Variants in FBN3 observed in about 807,000 individuals in gnomAD.
The protein encoded by FBN3 is fibrillin 3, also known as fibrillin-3.
Under a neutral mutation model 330.1 loss-of-function variants are expected in FBN3, and 234 were observed. The observed-to-expected ratio is 0.71, with a 90% CI of 0.64 to 0.79. FBN3 has a LOEUF of 0.79. Among genes scored for constraint, FBN3 ranks in the 30% least tolerant of loss-of-function variants. The pLI, the probability that FBN3 is intolerant of heterozygous loss-of-function variation, is 0.00. For missense variants in FBN3, 3,606 were observed against 3,886.9 expected (o/e 0.93, Z 1.92); for synonymous variants, 1,458 against 1,517.3 (o/e 0.96, Z 0.91).
Position 8,087,079 on chromosome 19 carries a change from G to C in FBN3, c.6752C>G (p.Thr2251Arg). ...RPLPGSGEGC[T>R]DDNECHAQPD... Reference sequence around the variant, plus strand: ...CATGAAGCTCCAGTGCCCCATACCTGTGCAGCCCTCCCCAGAGCCAGGCAG... The same window carrying C: ...CATGAAGCTCCAGTGCCCCATACCTCTGCAGCCCTCCCCAGAGCCAGGCAG... Residue 2251 changes from threonine to arginine, a missense_variant and splice_region_variant, in exon 54 of 64, where the codon ACA (threonine) becomes AGA (arginine). Transcript: ENST00000600128. The C allele has an allele frequency of 6.2e-7, 1 of 1,607,808 alleles. No homozygotes were observed. Among genetic ancestry groups the C allele is most frequent in the Non-Finnish European group, 8.5e-7 (1 of 1,179,158 alleles).
At chr19:8,066,485 T>C (rs2081393368) in intron 63 of FBN3, among the ~76,000 whole-genome samples, 1 of 152,178 alleles carries the variant, frequency 6.6e-6, no homozygotes, top group Admixed American at 6.6e-5. Flanking sequence ...AAATACGGCA[T>C]GTTCTCAGTT....
rs2082043139 is a variant in FBN3, at chr19:8,089,465, G to A, written c.6376+80C>T. On this transcript the variant is annotated intron_variant, in intron 51 of 63. Transcript: ENST00000600128. Reference sequence around the variant, plus strand: ...GACAGGATCTCACCCACTGCCTGGGGGTGTCTTCCCTGCCCTGCTCTGCTC... The same window carrying A: ...GACAGGATCTCACCCACTGCCTGGGAGTGTCTTCCCTGCCCTGCTCTGCTC... The A allele has an allele frequency of 8.5e-6, 13 of 1,537,884 alleles. No homozygotes were observed. The South Asian group carries it at 9.3e-5, about 11-fold the overall frequency.
At chr19:8,128,996 G>A in intron 18 of FBN3, 32 bp downstream of exon 18, 1 of 1,596,908 alleles carries the variant, frequency 6.3e-7, no homozygotes, top group Admixed American at 1.7e-5. Context: ...ATATGTGTGT[G>A]TGCAAACCCA....
Position 8,147,393 on chromosome 19 carries a change from G to T in FBN3, c.88C>A (p.Gln30Lys). ...WSALLCMAGG[Q>K]GRWDGALEAA... ...TCCAAGGCCCCGTCCCAGCGGCCTT[G>T]GCCACCTGCCATGCACAACAGGGCC... The change falls in exon 2 of 64, where the codon CAA becomes AAA. Residue 30 changes from glutamine (Q) to lysine (K), a missense_variant. Coordinates refer to ENST00000600128, the MANE Select transcript of FBN3 (RefSeq NM_032447.5). The T allele has an allele frequency of 6.3e-7, 1 of 1,597,762 alleles. No individual in the cohort carries two copies. The highest frequency in any genetic ancestry group is 8.5e-7 in the Non-Finnish European group (1 of 1,173,784).
intron 41 of FBN3, among the ~76,000 whole-genome samples, chr19:8,100,010 C>CA (rs200461313): frequency 0.059 from 6,184 of 105,618 alleles, 442 homozygotes; most frequent in African/African-American, 0.18. Flanking sequence ...AACTCCATCT[C>CA]AAAAAAAAAA....
chr19:8,114,005 ATAAT>A (rs2144845341), intron 30 of FBN3, among the ~76,000 whole-genome samples: 1 of 149,484 alleles, frequency 6.7e-6, no homozygotes, highest in South Asian at 2.1e-4. Flanking sequence ...AAATAAATAA[ATAAT>A]AAATAAAATG....
Position 8,144,928 on chromosome 19 carries a change from G to C in FBN3, c.490C>G (p.Pro164Ala), listed in dbSNP as rs2083497375. ...CCATACACACAGGCGCAGCGGTTGG[G>C]CCCAATGCAGCGACCCCCATTGTGG... ...GCHNGGRCIG[P>A]NRCACVYGFM... Residue 164 changes from proline to alanine, a missense_variant, in exon 6 of 64, where the codon CCC becomes GCC. Transcript: ENST00000600128. 2 of 1,612,390 alleles carry C rather than the reference G, an allele frequency of 1.2e-6. No homozygotes were observed. Among genetic ancestry groups the C allele is most frequent in the Non-Finnish European group, 1.7e-6 (2 of 1,179,720 alleles).
At chr19:8,118,030 A>G (rs2082747894) in intron 26 of FBN3, among the ~76,000 whole-genome samples, 1 of 151,628 alleles carries the variant, frequency 6.6e-6, no homozygotes, top group Non-Finnish European at 1.5e-5. Context: ...ACAGACACAC[A>G]AACACCCAAT....
At position 8,123,981 on chromosome 19, in the gene FBN3, C is replaced by T. The variant is rs377629999; in HGVS notation, c.2759G>A (p.Arg920Gln). ...VDVRLEPCFL[R>Q]WDEDECGVTL... ...GACCCCACACTCATCCTCATCCCATCGCAGGAAACATGGTTCCAATCTCAC... is the reference window on the plus strand; with the variant it reads ...GACCCCACACTCATCCTCATCCCATTGCAGGAAACATGGTTCCAATCTCAC... Residue 920 changes from arginine (R) to glutamine (Q), a missense_variant, in exon 23 of 64, where the codon CGA (arginine) becomes CAA (glutamine). Coordinates refer to ENST00000600128, the MANE Select transcript of FBN3 (RefSeq NM_032447.5). 6 of 1,613,996 alleles carry T rather than the reference C, an allele frequency of 3.7e-6. No homozygotes were observed. The highest frequency in any genetic ancestry group is 1.7e-5 in the Admixed American group (1 of 60,006).
Position 8,123,512 on chromosome 19 carries a change from C to G in FBN3, c.3034G>C (p.Ala1012Pro). Residue 1012 changes from alanine to proline, a missense_variant, in exon 24 of 64, where the codon GCC becomes CCC. Coordinates refer to ENST00000600128, the MANE Select transcript of FBN3 (RefSeq NM_032447.5). ...TCCAGGGCGAAGCCCCCCGCACAGG[C>G]GCAGTGGAAGCTGCCCACCGTGTTT... Reference protein sequence around the residue: ...CRNTVGSFHCACAGGFALDAQ... With the variant: ...CRNTVGSFHCPCAGGFALDAQ... 1 of 1,614,172 alleles carries G rather than the reference C, an allele frequency of 6.2e-7. No individual in the cohort carries two copies. The highest frequency in any genetic ancestry group is 8.5e-7 in the Non-Finnish European group (1 of 1,180,024).
In FBN3 at chr19:8,097,452, C is replaced by T. The variant is rs367986484; in HGVS notation, c.5162-38G>A. ...TCTGCCATCAGGGGCAGCCCAGCCC[C>T]CTGGGACTTCCAGCGATGCTGAGCG... On this transcript the variant is annotated intron_variant, in intron 41 of 63. Transcript: ENST00000600128. 5 of 1,564,390 alleles carry T rather than the reference C, an allele frequency of 3.2e-6. No homozygotes were observed. The African/African-American group carries it at 5.4e-5, about 17-fold the overall frequency.
At chr19:8,071,257 A>G (rs1417690944) in intron 63 of FBN3, among the ~76,000 whole-genome samples, 1 of 152,114 alleles carries the variant, frequency 6.6e-6, no homozygotes, top group Non-Finnish European at 1.5e-5. Context: ...GCACACCTTG[A>G]TGGGGTGGCC....
At chr19:8,084,571 C>T (rs1188862715) in intron 56 of FBN3, among the ~76,000 whole-genome samples, 2 of 151,772 alleles carry the variant, frequency 1.3e-5, no homozygotes, top group Non-Finnish European at 2.9e-5. Context: ...TGTTAAGGCC[C>T]TCTTGCTTTT....
rs371570706 is a variant in FBN3, at chr19:8,109,199, G to A, written c.4618+28C>T. The A allele has an allele frequency of 6.1e-5, 98 of 1,606,352 alleles. No homozygotes were observed. The highest frequency in any genetic ancestry group is 7.7e-5 in the Non-Finnish European group (90 of 1,174,226). On this transcript the variant is annotated intron_variant, in intron 36 of 63. Coordinates refer to ENST00000600128, the MANE Select transcript of FBN3 (RefSeq NM_032447.5). This position sits in a 1 kb window ranked among gnomAD's most constrained non-coding sequence, Gnocchi z 5.2. ...CCCGGGCCTCGGTGGCTTAGGTCAC[G>A]GTGTTCAACTGCCCCGCAGGGACTC...
At position 8,097,421 on chromosome 19, in the gene FBN3, A is replaced by G; in HGVS notation, c.5162-7T>C. 5 of 1,582,258 alleles carry G rather than the reference A, an allele frequency of 3.2e-6. No individual in the cohort carries two copies. The highest frequency in any genetic ancestry group is 4.3e-6 in the Non-Finnish European group (5 of 1,154,206). On this transcript the variant is annotated splice_polypyrimidine_tract_variant and splice_region_variant and intron_variant, in intron 41 of 63. Coordinates refer to ENST00000600128, the MANE Select transcript of FBN3 (RefSeq NM_032447.5). ...TCCCCACACTCATCAATGTCTGCAG[A>G]AGGCATCTGCCATCAGGGGCAGCCC...
chr19:8,144,945 C>T lies in FBN3; in HGVS notation c.473G>A (p.Gly158Glu), dbSNP rs747016942. 1 of 1,612,178 alleles carries T rather than the reference C, an allele frequency of 6.2e-7. No homozygotes were observed. The highest frequency in any genetic ancestry group is 2.2e-5 in the East Asian group (1 of 44,810). Reference protein sequence around the residue: ...QPICDRGCHNGGRCIGPNRCA... With the variant: ...QPICDRGCHNEGRCIGPNRCA... ...GCGGTTGGGCCCAATGCAGCGACCC[C>T]CATTGTGGCAGCCGCGGTCACAGAT... Residue 158 changes from glycine to glutamate, a missense_variant, in exon 6 of 64, where the codon GGG becomes GAG. Transcript: ENST00000600128.
intron 23 of FBN3, 93 bp downstream of exon 23, chr19:8,123,690 CT>C: frequency 1.3e-6 from 2 of 1,593,590 alleles, no homozygotes; most frequent in African/African-American, 1.3e-5. Context: ...CCCACATCCC[CT>C]TTTCCCCCAA....
intron 13 of FBN3, 107 bp downstream of exon 13, chr19:8,135,854 C>G: frequency 7.8e-7 from 1 of 1,287,688 alleles, no homozygotes; most frequent in South Asian, 1.4e-5. Flanking sequence ...GAGGAGACGT[C>G]GTAGGGAGGG....
chr19:8,077,176 G>A (rs911374434), intron 59 of FBN3, among the ~76,000 whole-genome samples: 4 of 152,218 alleles, frequency 2.6e-5, no homozygotes, highest in African/African-American at 9.6e-5. Flanking sequence ...GAGGGCATTG[G>A]TACAATGGCC....
Sources: gnomAD v4.1 joint callset for allele counts (sites outside exome capture counted in the v4.1 genomes callset) on GRCh38, gnomAD v4.1.1 for gene constraint, Gnocchi (gnomAD v3.1) non-coding constraint, MANE v1.5 for transcripts, NCBI Gene and HGNC (gene_info 2026-07-23, HGNC 2026-07-21) for gene names.